Variants in FCER1A observed in about 807,000 individuals in gnomAD.
The protein encoded by FCER1A is high affinity immunoglobulin epsilon receptor subunit alpha.
In FCER1A, 24 loss-of-function variants were observed where a neutral mutation model predicts 23.6. The ratio of observed to expected loss-of-function variants is 1.02; its 90% confidence interval spans 0.74 to 1.43. The LOEUF (loss-of-function observed/expected upper bound fraction) is 1.43. Ranked by LOEUF, FCER1A falls within the 40% of genes most tolerant of loss-of-function variation. The probability of loss-of-function intolerance (pLI) is 0.00; values close to 1 mark genes in which losing one functional copy is unlikely to be tolerated. For synonymous variants in FCER1A, 121 were observed against 108.8 expected, an observed-to-expected ratio of 1.11 and a Z score of -0.70; for missense variants, 318 against 294.5, an observed-to-expected ratio of 1.08 and a Z score of -0.58.
At chr1:159,285,120 T>C (rs1651983522), upstream of FCER1A, among the ~76,000 whole-genome samples, 1 of 152,136 alleles carries the variant, frequency 6.6e-6, no homozygotes, top group African/African-American at 2.4e-5. Context: ...GGGGAGATGG[T>C]CTTCTGTGTT....
At chr1:159,286,397 G>T (rs745634027), upstream of FCER1A, among the ~76,000 whole-genome samples, 1 of 151,306 alleles carries the variant, frequency 6.6e-6, no homozygotes, top group Admixed American at 6.6e-5. Flanking sequence ...CAGTGGCGCA[G>T]TCTCGGCTCA....
chr1:159,306,306 G>C, intron 4 of FCER1A, 61 bp downstream of exon 4: 1 of 1,558,196 alleles, frequency 6.4e-7, no homozygotes, highest in African/African-American at 1.4e-5. Context: ...GAACTTCTGA[G>C]CCTGAGCAGT....
At chr1:159,286,222 T>G (rs1396400734), upstream of FCER1A, among the ~76,000 whole-genome samples, 3 of 150,682 alleles carry the variant, frequency 2.0e-5, no homozygotes, top group East Asian at 5.8e-4. Flanking sequence ...AAATAAAATT[T>G]AAATGCATGC....
At chr1:159,287,720 T>C (rs1324099022), upstream of FCER1A, among the ~76,000 whole-genome samples, 4 of 148,260 alleles carry the variant, frequency 2.7e-5, no homozygotes, top group Admixed American at 6.8e-5. Context: ...ATATATAATG[T>C]ATTATATATG....
chr1:159,303,383 A>T (rs181935168), intron 2 of FCER1A, among the ~76,000 whole-genome samples: 1 of 152,090 alleles, frequency 6.6e-6, no homozygotes, highest in Non-Finnish European at 1.5e-5. Flanking sequence ...TTCAAGACTG[A>T]CTTTCTTAGT....
At chr1:159,290,260 A>G (rs991769508) in intron 1 of FCER1A, among the ~76,000 whole-genome samples, 5 of 152,074 alleles carry the variant, frequency 3.3e-5, no homozygotes, top group Admixed American at 6.6e-5. Flanking sequence ...ATATGGCTTA[A>G]GTTCTTGTCA....
chr1:159,307,589 T>G (rs965531666), intron 4 of FCER1A, among the ~76,000 whole-genome samples, 159 bp from the exon 5 acceptor site: 2 of 152,160 alleles, frequency 1.3e-5, no homozygotes, highest in African/African-American at 4.8e-5. Flanking sequence ...CTCAACCTAG[T>G]GTTAATCTGA....
At chr1:159,304,248 A>G in intron 3 of FCER1A, 66 bp downstream of exon 3, 4 of 1,502,998 alleles carry the variant, frequency 2.7e-6, no homozygotes, top group Non-Finnish European at 3.7e-6. Context: ...AAGATGGGAA[A>G]AAACAGGTTA....
At chr1:159,305,834 T>C (rs1481901180) in intron 3 of FCER1A, among the ~76,000 whole-genome samples, 154 bp from the exon 4 acceptor site, 1 of 152,248 alleles carries the variant, frequency 6.6e-6, no homozygotes, top group African/African-American at 2.4e-5. Flanking sequence ...AAGCATTATT[T>C]TGTGCCCTTT....
chr1:159,288,505 G>A (rs1440405502), upstream of FCER1A, among the ~76,000 whole-genome samples: 1 of 152,206 alleles, frequency 6.6e-6, no homozygotes, highest in African/African-American at 2.4e-5. Context: ...GTCATTTAGT[G>A]TGTAGTGTGC....
intron 1 of FCER1A, among the ~76,000 whole-genome samples, chr1:159,292,531 C>T (rs1652179563): frequency 6.6e-6 from 1 of 152,094 alleles, no homozygotes; most frequent in African/African-American, 2.4e-5. Flanking sequence ...ACTACCACTT[C>T]TCTAGACTAT....
upstream of FCER1A, among the ~76,000 whole-genome samples, chr1:159,285,002 AG>A (rs1356026189): frequency 6.6e-6 from 1 of 152,202 alleles, no homozygotes; most frequent in Non-Finnish European, 1.5e-5. Flanking sequence ...ACTCGTTAAA[AG>A]TTTTTTTGAG....
intron 1 of FCER1A, among the ~76,000 whole-genome samples, chr1:159,294,926 A>G (rs1415737438): frequency 6.6e-6 from 1 of 152,182 alleles, no homozygotes; most frequent in Non-Finnish European, 1.5e-5. Flanking sequence ...AGAAAATATA[A>G]TTAGCCAAAA....
At chr1:159,292,970 T>A (rs934371868) in intron 1 of FCER1A, among the ~76,000 whole-genome samples, 1 of 151,300 alleles carries the variant, frequency 6.6e-6, no homozygotes, top group African/African-American at 2.4e-5. Context: ...CTGCAGAGAG[T>A]CCCCATTAAG....
At chr1:159,303,194 G>C (rs917831595) in intron 2 of FCER1A, among the ~76,000 whole-genome samples, 2 of 152,060 alleles carry the variant, frequency 1.3e-5, no homozygotes, top group African/African-American at 4.8e-5. Flanking sequence ...TATAATTGAG[G>C]ATGCTGAAAC....
chr1:159,307,674 G>A (rs2102236497), intron 4 of FCER1A, 74 bp from the exon 5 acceptor site: 1 of 1,130,810 alleles, frequency 8.8e-7, no homozygotes, highest in Non-Finnish European at 1.3e-6. Context: ...TCTTAGGGAG[G>A]ATGAAACTCT....
In FCER1A at chr1:159,305,989, C is replaced by A. The variant is rs536439527; in HGVS notation, c.333C>A (p.Asp111Glu). 94 of 1,612,936 alleles carry A rather than the reference C, an allele frequency of 5.8e-5. 1 individual carries two copies. The South Asian group carries it at 9.8e-4, about 17-fold the overall frequency. The stretch of plus-strand genomic sequence containing the variant: ...AATAATGTAATGAATGTTCTTCAGA[C>A]TGGCTGCTCCTTCAGGCCTCTGCTG... ...SEPVYLEVFS[D>E]WLLLQASAEV... The change falls in exon 4 of 5, where the codon GAC (aspartate) becomes GAA (glutamate). Residue 111 changes from aspartate to glutamate, a missense_variant and splice_region_variant. Transcript: ENST00000693622.
intron 4 of FCER1A, among the ~76,000 whole-genome samples, chr1:159,306,666 C>A (rs1652626522): frequency 6.6e-6 from 1 of 152,076 alleles, no homozygotes; most frequent in South Asian, 2.1e-4. Context: ...GGAGCCCATT[C>A]CAGCTTAGGA....
intron 4 of FCER1A, 103 bp downstream of exon 4, chr1:159,306,348 C>T: frequency 9.1e-7 from 1 of 1,099,558 alleles, no homozygotes; most frequent in East Asian, 2.5e-5. Flanking sequence ...ACCTGTGATA[C>T]ACTGGAAAGC....
Sources: allele counts gnomAD v4.1 joint callset (sites outside exome capture counted in the v4.1 genomes callset), GRCh38; gene constraint gnomAD v4.1.1; transcripts MANE v1.5; gene names NCBI Gene and HGNC (gene_info 2026-07-23, HGNC 2026-07-21).